The following DNAAF11 variants were observed in gnomAD, a reference collection of about 807,000 sequenced individuals.
The protein encoded by DNAAF11 is dynein axonemal assembly factor 11.
Under a neutral mutation model 60.8 loss-of-function variants are expected in DNAAF11, and 45 were observed. The ratio of observed to expected loss-of-function variants is 0.74; its 90% CI spans 0.58 to 0.95. The LOEUF (loss-of-function observed/expected upper bound fraction) is 0.95. Ranked by LOEUF, DNAAF11 falls within the 40% of genes least tolerant of loss-of-function variation. DNAAF11 has a pLI of 0.00. For synonymous variants in DNAAF11, 191 were observed against 183.5 expected (o/e 1.04, Z -0.33); for missense variants, 546 against 546.2 (o/e 1.00, Z 0.00).
At chr8:132,577,560 GT>G (rs1310626558) in intron 11 of DNAAF11, among the ~76,000 whole-genome samples, 1 of 152,190 alleles carries the variant, frequency 6.6e-6, no homozygotes, top group Non-Finnish European at 1.5e-5. Flanking sequence ...TTATGACTAA[GT>G]TTTTATAATT....
intron 1 of DNAAF11, among the ~76,000 whole-genome samples, chr8:132,669,940 C>CA (rs35402875): frequency 0.11 from 7,530 of 66,722 alleles, 452 homozygotes; most frequent in Non-Finnish European, 0.18. Context: ...GACTCCGTCT[C>CA]AAAAAAAAAA....
At chr8:132,596,546 AAAC>A (rs1168563380) in intron 10 of DNAAF11, among the ~76,000 whole-genome samples, 1 of 152,232 alleles carries the variant, frequency 6.6e-6, no homozygotes, top group African/African-American at 2.4e-5. Context: ...GACAGTCTCT[AAAC>A]ATGCTGGAGA....
At chr8:132,611,707 T>C (rs1304533911) in intron 8 of DNAAF11, among the ~76,000 whole-genome samples, 1 of 152,164 alleles carries the variant, frequency 6.6e-6, no homozygotes, top group Non-Finnish European at 1.5e-5. Context: ...CCAGGAATGC[T>C]GATTCTACTC....
At chr8:132,689,503 CCCTGA>C in the DNAAF11 span, among the ~76,000 whole-genome samples, 3 of 712 alleles carry the variant, frequency 4.2e-3, no homozygotes, top group African/African-American at 0.016. Context: ...CAGTGTCATT[CCCTGA>C]AATGAAATGA....
At chr8:132,641,305 C>T (rs2130593305) in intron 3 of DNAAF11, among the ~76,000 whole-genome samples, 1 of 152,254 alleles carries the variant, frequency 6.6e-6, no homozygotes, top group East Asian at 1.9e-4. Context: ...TCATCAGATA[C>T]TCTCTAACAT....
intron 6 of DNAAF11, among the ~76,000 whole-genome samples, chr8:132,623,957 G>C (rs567625666): frequency 1.3e-5 from 2 of 152,206 alleles, no homozygotes; most frequent in African/African-American, 4.8e-5. Flanking sequence ...AGACTCACTG[G>C]ATTGGGAAAT....
At chr8:132,664,228 T>A (rs1277612757) in intron 1 of DNAAF11, among the ~76,000 whole-genome samples, 1 of 152,256 alleles carries the variant, frequency 6.6e-6, no homozygotes, top group Non-Finnish European at 1.5e-5. Flanking sequence ...TCATCCATGG[T>A]TAAGTCGAAT....
the DNAAF11 span, among the ~76,000 whole-genome samples, chr8:132,688,684 T>C: frequency 6.6e-6 from 1 of 152,064 alleles, no homozygotes; most frequent in Non-Finnish European, 1.5e-5. Context: ...AAAGCCAACA[T>C]ATGGGAGAGA....
rs1815695419 is a variant in DNAAF11, at chr8:132,584,674, C to T, written c.1141-895G>A. On this transcript the variant is annotated intron_variant, in intron 10 of 11. Transcript: ENST00000620350. ...ATTCCCCTCTCTACCCTCACCAGGT[C>T]CTTCTCTATGGCAGGGGAATGACTC... Among the ~76,000 whole-genome samples, 4 of 152,232 alleles carry T rather than the reference C, an allele frequency of 2.6e-5. No individual in the cohort carries two copies. The South Asian group carries it at 8.3e-4, about 32-fold the overall frequency.
intron 7 of DNAAF11, among the ~76,000 whole-genome samples, chr8:132,618,010 C>T (rs1819352615): frequency 6.7e-6 from 1 of 149,674 alleles, no homozygotes; most frequent in Non-Finnish European, 1.5e-5. Context: ...GCCAAAAGAA[C>T]AAAGCTGGAG....
At chr8:132,652,132 T>C (rs543621566) in intron 3 of DNAAF11, among the ~76,000 whole-genome samples, 1 of 152,300 alleles carries the variant, frequency 6.6e-6, no homozygotes, top group South Asian at 2.1e-4. Flanking sequence ...GCAGATGGCA[T>C]TGGGGTGGGG....
At chr8:132,700,948 C>T in the DNAAF11 span, among the ~76,000 whole-genome samples, 8 of 152,276 alleles carry the variant, frequency 5.3e-5, no homozygotes, top group African/African-American at 7.2e-5. Flanking sequence ...AGAAATTTAT[C>T]GGCTCACAGT....
In DNAAF11 at chr8:132,637,660, C is replaced by T. The variant is rs527902839; in HGVS notation, c.429+275G>A. ...CTTATCAGTAATGATGAATGTTCTTCGTAACTATGATTTGAACTCATTGAG... is the reference window on the plus strand; with the variant it reads ...CTTATCAGTAATGATGAATGTTCTTTGTAACTATGATTTGAACTCATTGAG... On this transcript the variant is annotated intron_variant, in intron 4 of 11. Coordinates refer to ENST00000620350, the MANE Select transcript of DNAAF11 (RefSeq NM_012472.6). 4.6e-5 allele frequency among the ~76,000 whole-genome samples: 7 copies of T among 151,528 alleles called. No homozygotes were observed. In the South Asian group the frequency reaches 1.3e-3, roughly 27 times the overall value.
In DNAAF11 at chr8:132,656,768, G is replaced by C. The variant is rs1389258186; in HGVS notation, c.256+62C>G. 28 of 745,556 alleles carry C rather than the reference G, an allele frequency of 3.8e-5. No homozygotes were observed. In the South Asian group the frequency reaches 4.3e-4, roughly 11 times the overall value. The allele number at this position is 745,556 out of a possible 1,614,324, so 46.2% of individuals were successfully genotyped here. On this transcript the variant is annotated intron_variant, in intron 3 of 11. Transcript: ENST00000620350. ...ATTACAGGCGTGAGCCACTGCACCT[G>C]GCCTTCTAACTTAAAATCTCAATTT...
chr8:132,594,068 A>C (rs767294451), intron 10 of DNAAF11, among the ~76,000 whole-genome samples: 85 of 152,328 alleles, frequency 5.6e-4, no homozygotes, highest in Middle Eastern at 6.8e-3. Context: ...TGCTTATTAT[A>C]CAAATAATAA....
At chr8:132,673,306 C>A (rs1312796206) in intron 1 of DNAAF11, among the ~76,000 whole-genome samples, 2 of 152,176 alleles carry the variant, frequency 1.3e-5, no homozygotes, top group Non-Finnish European at 2.9e-5. Flanking sequence ...CCTTAAAAGG[C>A]TGCTGGGAAG....
intron 1 of DNAAF11, among the ~76,000 whole-genome samples, chr8:132,666,050 C>T (rs767955931): frequency 1.3e-5 from 2 of 152,058 alleles, no homozygotes; most frequent in African/African-American, 4.8e-5. Context: ...ACTGTGGGTA[C>T]ACAAGGACAT....
chr8:132,580,839 T>C (rs1002645999), intron 11 of DNAAF11, among the ~76,000 whole-genome samples: 5 of 152,166 alleles, frequency 3.3e-5, no homozygotes, highest in African/African-American at 7.2e-5. Flanking sequence ...TAAAAATTGC[T>C]TGGTTGATTC....
At chr8:132,675,582 C>G, upstream of DNAAF11, 2 of 1,365,694 alleles carry the variant, frequency 1.5e-6, no homozygotes, top group Admixed American at 4.9e-5. Context: ...CAGCGCGTCC[C>G]CGTCGGAATT....
Sources: gnomAD v4.1 joint callset for allele counts (sites outside exome capture counted in the v4.1 genomes callset) on GRCh38, gnomAD v4.1.1 for gene constraint, MANE v1.5 for transcripts, NCBI Gene and HGNC (gene_info 2026-07-23, HGNC 2026-07-21) for gene names.